The following DDX31 variants were observed in gnomAD, a reference collection of about 807,000 sequenced individuals.
DDX31 encodes ATP-dependent DNA helicase DDX31.
Under a neutral mutation model 91.3 loss-of-function variants are expected in DDX31, and 70 were observed. The ratio of observed to expected loss-of-function variants is 0.77; its 90% CI spans 0.63 to 0.94. The LOEUF (loss-of-function observed/expected upper bound fraction) is 0.94, where lower values mean the gene tolerates loss of function less well. Ranked by LOEUF, DDX31 falls within the 40% of genes least tolerant of loss-of-function variation. The probability of loss-of-function intolerance (pLI) is 0.00; values close to 1 mark genes in which losing one functional copy is unlikely to be tolerated. For missense variants in DDX31, 902 were observed against 925.0 expected (o/e 0.98, Z 0.32); for synonymous variants, 362 against 350.6 (o/e 1.03, Z -0.36).
chr9:132,597,362 T>C (rs1830489242), intron 19 of DDX31, among the ~76,000 whole-genome samples: 1 of 152,232 alleles, frequency 6.6e-6, no homozygotes, highest in African/African-American at 2.4e-5. Flanking sequence ...TGCCAGTTCC[T>C]GTGCCTGTAG....
chr9:132,607,278 A>C (rs1214338992), intron 19 of DDX31, among the ~76,000 whole-genome samples: 1 of 152,234 alleles, frequency 6.6e-6, no homozygotes, highest in East Asian at 1.9e-4. Flanking sequence ...AGAGAGCCCC[A>C]GCTTAGACTC....
intron 19 of DDX31, among the ~76,000 whole-genome samples, chr9:132,600,657 G>A (rs1830676948): frequency 6.6e-6 from 1 of 152,238 alleles, no homozygotes; most frequent in African/African-American, 2.4e-5. Flanking sequence ...CTTCACCAGA[G>A]CCCCAGAAAT....
intron 5 of DDX31, 75 bp from the exon 6 acceptor site, chr9:132,658,810 A>G: frequency 2.2e-6 from 3 of 1,379,044 alleles, no homozygotes; most frequent in Non-Finnish European, 3.1e-6. Context: ...GATGTAAAGG[A>G]AACAGGCTCT....
intron 17 of DDX31, among the ~76,000 whole-genome samples, chr9:132,625,165 G>A (rs1832318986): frequency 6.6e-6 from 1 of 152,008 alleles, no homozygotes; most frequent in Non-Finnish European, 1.5e-5. Flanking sequence ...GGAACTGCAT[G>A]GATAATAAAA....
At chr9:132,645,721 C>A (rs1481417264) in intron 13 of DDX31, among the ~76,000 whole-genome samples, 174 bp downstream of exon 13, 3 of 152,128 alleles carry the variant, frequency 2.0e-5, no homozygotes, top group Non-Finnish European at 2.9e-5. Context: ...GCAGTGTGAT[C>A]CCCTCTAGTT....
intron 17 of DDX31, among the ~76,000 whole-genome samples, chr9:132,619,087 C>T (rs1313113494): frequency 6.6e-6 from 1 of 152,146 alleles, no homozygotes; most frequent in Non-Finnish European, 1.5e-5. Context: ...AGCAAATCGT[C>T]CCTGTGTAAG....
chr9:132,634,107 T>C (rs569169278), intron 14 of DDX31, among the ~76,000 whole-genome samples: 11 of 152,336 alleles, frequency 7.2e-5, no homozygotes, highest in South Asian at 6.2e-4. Flanking sequence ...AATACCATGA[T>C]AGAGGCTCAC....
Position 132,662,650 on chromosome 9 carries a change from G to A in DDX31, c.121C>T (p.Pro41Ser). 6.2e-7 allele frequency: 1 copy of A among 1,614,160 alleles called. No individual in the cohort carries two copies. The highest frequency in any genetic ancestry group is 1.1e-5 in the South Asian group (1 of 91,080). The change falls in exon 2 of 20, where the codon CCC becomes TCC. Residue 41 changes from proline (P) to serine (S), a missense_variant. By Grantham distance (74) the Pro-to-Ser change is moderately conservative (BLOSUM62 -1). Transcript: ENST00000372159. ...GTTTCGTTCCTCCGTTTCGCTGGGG[G>A]AGCCTCACTGGACGCTTGGTATTTT... ...KRKYQASSEA[P>S]PAKRRNETSF...
intron 19 of DDX31, among the ~76,000 whole-genome samples, chr9:132,606,539 G>C (rs776397907): frequency 1.3e-5 from 2 of 152,204 alleles, no homozygotes; most frequent in Non-Finnish European, 2.9e-5. Context: ...CAATATGGTC[G>C]TTGTGATGAT....
At chr9:132,645,395 G>A (rs527939265) in intron 13 of DDX31, among the ~76,000 whole-genome samples, 6 of 152,150 alleles carry the variant, frequency 3.9e-5, no homozygotes, top group South Asian at 2.1e-4. Context: ...TCTCCCAACC[G>A]AAAGTGTTCT....
chr9:132,663,140 C>T (rs1272056152), intron 1 of DDX31: 1 of 1,274,726 alleles, frequency 7.8e-7, no homozygotes, highest in Non-Finnish European at 1.0e-6. Flanking sequence ...ACCAACAAAG[C>T]ACACTGGAGA....
chr9:132,640,454 AAGT>A (rs893118679), intron 14 of DDX31, among the ~76,000 whole-genome samples: 1 of 152,154 alleles, frequency 6.6e-6, no homozygotes, highest in Non-Finnish European at 1.5e-5. Context: ...AGGTTCCACA[AAGT>A]ATTGTTAGAT....
At chr9:132,654,308 T>C (rs1314419712) in intron 6 of DDX31, among the ~76,000 whole-genome samples, 1 of 152,174 alleles carries the variant, frequency 6.6e-6, no homozygotes, top group Non-Finnish European at 1.5e-5. Context: ...TGTAATTCAA[T>C]CTTTAAAAAA....
At chr9:132,665,102 C>T (rs1031711574) in intron 1 of DDX31, among the ~76,000 whole-genome samples, 5 of 152,194 alleles carry the variant, frequency 3.3e-5, no homozygotes, top group African/African-American at 9.6e-5. Context: ...CTGTCTTTCC[C>T]GTTAGATTGT....
rs151097266 is a variant in DDX31 at position 132,618,427 on chromosome 9, A to G, written c.1728T>C (p.Val576=). ...KRWGAQKSHA[V]GPQEIRERAT... ...CTCGCTCTCGGATTTCCTGGGGGCC[A>G]ACAGCATGGGATTTCTGAGAGGGCG... The change falls in exon 18 of 20, where the codon GTT becomes GTC. Residue 576 remains valine (V), a synonymous_variant. Coordinates refer to ENST00000372159, the MANE Select transcript of DDX31 (RefSeq NM_022779.9). The G allele has an allele frequency of 2.9e-4, 473 of 1,611,198 alleles. No individual in the cohort carries two copies. Among genetic ancestry groups the G allele is most frequent in the Non-Finnish European group, 3.3e-4 (391 of 1,178,860 alleles).
At position 132,601,218 on chromosome 9, in the gene DDX31, C is replaced by T. The variant is rs115707557; in HGVS notation, c.1995-6106G>A. 5.7e-3 allele frequency among the ~76,000 whole-genome samples: 871 copies of T among 152,270 alleles called. 9 individuals are homozygous for T. Among genetic ancestry groups the T allele is most frequent in the African/African-American group, 0.02 (828 of 41,550 alleles). ...TCTGCAGGAACAGCTAATACACTGG[C>T]TGACAAAATAACAACAGTCTAGGAG... On this transcript the variant is annotated intron_variant, in intron 19 of 19. Coordinates refer to ENST00000372159, the MANE Select transcript of DDX31 (RefSeq NM_022779.9).
At chr9:132,617,820 A>C (rs1190705674) in intron 18 of DDX31, among the ~76,000 whole-genome samples, 2 of 152,212 alleles carry the variant, frequency 1.3e-5, no homozygotes, top group African/African-American at 2.4e-5. Context: ...CTGAATATTA[A>C]GTCAACACCT....
chr9:132,624,243 A>G (rs1267622129), intron 17 of DDX31, among the ~76,000 whole-genome samples: 1 of 152,006 alleles, frequency 6.6e-6, no homozygotes, highest in Non-Finnish European at 1.5e-5. Flanking sequence ...GTTCCAAAAG[A>G]ACGGAAGTGT....
At chr9:132,615,182 T>A (rs767394451) in intron 18 of DDX31, among the ~76,000 whole-genome samples, 6 of 152,182 alleles carry the variant, frequency 3.9e-5, no homozygotes, top group Admixed American at 1.3e-4. Flanking sequence ...GGTGCCTGAA[T>A]TAGGGCAAAT....
Sources: allele counts gnomAD v4.1 joint callset (sites outside exome capture counted in the v4.1 genomes callset), GRCh38; gene constraint gnomAD v4.1.1; transcripts MANE v1.5; gene names NCBI Gene and HGNC (gene_info 2026-07-23, HGNC 2026-07-21).